ARID1B: variants seen among roughly 807,000 people sequenced by gnomAD.
The protein encoded by ARID1B is AT-rich interactive domain-containing protein 1B.
A neutral mutation model predicts 212.3 loss-of-function variants in ARID1B; 30 were observed. The observed-to-expected ratio is 0.14, with a 90% CI of 0.11 to 0.19. ARID1B has a LOEUF of 0.19. Ranked by LOEUF, ARID1B falls within the 10% of genes least tolerant of loss-of-function variation. The pLI, the probability that ARID1B is intolerant of heterozygous loss-of-function variation, is 1.00. For synonymous variants in ARID1B, 1,402 were observed against 1,301.7 expected, an observed-to-expected ratio of 1.08 and a Z score of -1.66; for missense variants, 2,891 against 3,204.0, an observed-to-expected ratio of 0.90 and a Z score of 2.36.
chr6:156,914,709 A>G (rs1035831945), intron 3 of ARID1B, among the ~76,000 whole-genome samples: 1 of 152,172 alleles, frequency 6.6e-6, no homozygotes, highest in Non-Finnish European at 1.5e-5. Context: ...CCTGCAGGTA[A>G]TCACTAATTT....
At chr6:156,873,056 C>G (rs1357446964) in intron 2 of ARID1B, among the ~76,000 whole-genome samples, 1 of 152,170 alleles carries the variant, frequency 6.6e-6, no homozygotes, top group Non-Finnish European at 1.5e-5. Context: ...CCTGAACAGG[C>G]CATTTCATGT....
intron 15 of ARID1B, among the ~76,000 whole-genome samples, chr6:157,191,287 G>T (rs1009656868): frequency 6.6e-6 from 1 of 151,562 alleles, no homozygotes; most frequent in Admixed American, 6.6e-5. Context: ...TGGAGTGAAC[G>T]CGGGCCCTGA....
rs1258718773 is a variant in ARID1B at position 157,097,761 on chromosome 6, C to T, written c.2492-12711C>T. On this transcript the variant is annotated intron_variant, in intron 5 of 19. Transcript: ENST00000636930. ...CAGGCAGGCGCCTCAGCTAATCTTT[C>T]TCCTGGGGGCCCAGGTGGACAAATT... Among the ~76,000 whole-genome samples the T allele has an allele frequency of 1.3e-5, 2 of 152,244 alleles. 1 individual carries two copies. The highest frequency in any genetic ancestry group is 4.1e-4 in the South Asian group (2 of 4,836).
chr6:156,864,333 T>G (rs1015128438), intron 2 of ARID1B, among the ~76,000 whole-genome samples: 1 of 152,188 alleles, frequency 6.6e-6, no homozygotes, highest in Non-Finnish European at 1.5e-5. Flanking sequence ...AGAGGTGTGC[T>G]TCGGGCAGTG....
chr6:157,127,308 G>A (rs1788197458), intron 6 of ARID1B, among the ~76,000 whole-genome samples: 1 of 152,152 alleles, frequency 6.6e-6, no homozygotes, highest in South Asian at 2.1e-4. Context: ...TCCTCGCCCA[G>A]TGCTCTCTTG....
intron 3 of ARID1B, among the ~76,000 whole-genome samples, chr6:156,911,476 C>G (rs1789887740): frequency 6.6e-6 from 1 of 151,702 alleles, no homozygotes; most frequent in Non-Finnish European, 1.5e-5. Flanking sequence ...GCATTCCTAC[C>G]CTATAGCCAC....
chr6:156,971,175 A>G (rs570546350), intron 4 of ARID1B, among the ~76,000 whole-genome samples: 8 of 152,352 alleles, frequency 5.3e-5, no homozygotes, highest in African/African-American at 9.6e-5. Flanking sequence ...ATGAATTCAT[A>G]CATTCTTGTT....
At chr6:156,945,233 C>CT (rs1164805779) in intron 4 of ARID1B, among the ~76,000 whole-genome samples, 563 of 32,634 alleles carry the variant, frequency 0.017, 153 homozygotes, top group Non-Finnish European at 0.025. Context: ...CCGCATCCGG[C>CT]TTTTTTTTTT....
intron 7 of ARID1B, chr6:157,140,614 G>A (rs1267908353): frequency 2.5e-6 from 1 of 398,454 alleles, no homozygotes; most frequent in Non-Finnish European, 4.4e-6. Flanking sequence ...TTTTTATAGA[G>A]GAAGAAACTG....
chr6:157,138,826 CCTT>C (rs1374394231), intron 7 of ARID1B, among the ~76,000 whole-genome samples: 3 of 152,114 alleles, frequency 2.0e-5, no homozygotes, highest in African/African-American at 7.2e-5. Context: ...AGGATTAATT[CCTT>C]CTTCTATACT....
chr6:156,961,156 G>GCAGCTCAGCATCCCTAAACACTC (rs1794345732), intron 4 of ARID1B, among the ~76,000 whole-genome samples: 2 of 152,188 alleles, frequency 1.3e-5, no homozygotes, highest in African/African-American at 4.8e-5. Context: ...AAAGAAGGGT[G>GCAGCTCAGCATCCCTAAACACTC]CAGCTCAGCA....
At chr6:157,194,581 G>T (rs1793592119) in intron 15 of ARID1B, 1 of 152,196 alleles carries the variant, frequency 6.6e-6, no homozygotes, top group Admixed American at 6.5e-5. Flanking sequence ...CTGAGCTGAT[G>T]CTAATTTGCA....
intron 4 of ARID1B, among the ~76,000 whole-genome samples, chr6:156,961,266 T>C (rs528330149): frequency 2.5e-4 from 38 of 152,234 alleles, no homozygotes; most frequent in Non-Finnish European, 3.8e-4. Context: ...TTAGTCAGCT[T>C]TCTCTGTCAG....
chr6:157,012,227 CAGAT>C (rs1296148091), intron 4 of ARID1B, among the ~76,000 whole-genome samples: 1 of 152,120 alleles, frequency 6.6e-6, no homozygotes, highest in Non-Finnish European at 1.5e-5. Context: ...GAATAGTAAA[CAGAT>C]AGAATGGCAC....
intron 9 of ARID1B, among the ~76,000 whole-genome samples, chr6:157,170,894 A>G (rs1048603181): frequency 5.9e-5 from 9 of 152,184 alleles, no homozygotes; most frequent in African/African-American, 2.2e-4. Flanking sequence ...ACATGTAAAC[A>G]TAGTCATGAA....
intron 5 of ARID1B, among the ~76,000 whole-genome samples, chr6:157,110,175 A>C (rs1786801595): frequency 1.3e-5 from 2 of 152,204 alleles, no homozygotes; most frequent in Non-Finnish European, 2.9e-5. Flanking sequence ...GTTTTCTTAA[A>C]TGCATTGCAG....
At chr6:156,840,512 A>G (rs1360000982) in intron 2 of ARID1B, among the ~76,000 whole-genome samples, 1 of 152,224 alleles carries the variant, frequency 6.6e-6, no homozygotes, top group Non-Finnish European at 1.5e-5. Flanking sequence ...GCCGAATCCT[A>G]GACTCTGGCC....
At chr6:157,103,489 A>T (rs1367332132) in intron 5 of ARID1B, among the ~76,000 whole-genome samples, 1 of 152,202 alleles carries the variant, frequency 6.6e-6, no homozygotes, top group African/African-American at 2.4e-5. Flanking sequence ...TTGTTCTATG[A>T]AGTATGCTGA....
chr6:157,190,028 C>T lies in ARID1B; in HGVS notation c.4059-10C>T, dbSNP rs189200947. On this transcript the variant is annotated splice_polypyrimidine_tract_variant and intron_variant, in intron 14 of 19. Coordinates refer to ENST00000636930, the MANE Select transcript of ARID1B (RefSeq NM_001374828.1). The surrounding 1 kb of genome is among the most constrained non-coding windows in gnomAD (Gnocchi z 4.6). Reference sequence around the variant, plus strand: ...GTATCATTAAGCTTTCATTCTTTGCCTCTCTTCAGAAGCAGTACAATCAGT... The same window carrying T: ...GTATCATTAAGCTTTCATTCTTTGCTTCTCTTCAGAAGCAGTACAATCAGT... 10 of 1,612,346 alleles carry T rather than the reference C, an allele frequency of 6.2e-6. No homozygotes were observed. The highest frequency in any genetic ancestry group is 1.3e-5 in the African/African-American group (1 of 74,846).
Sources: allele counts gnomAD v4.1 joint callset (sites outside exome capture counted in the v4.1 genomes callset), GRCh38; gene constraint gnomAD v4.1.1; non-coding constraint Gnocchi (gnomAD v3.1); transcripts MANE v1.5; gene names NCBI Gene and HGNC (gene_info 2026-07-23, HGNC 2026-07-21).